Variants in OOSP3 observed in about 807,000 individuals in gnomAD.
OOSP3 encodes the protein oocyte-secreted protein 3.
At chr11:59,894,657 T>C (rs1853340412) in intron 3 of OOSP3, among the ~76,000 whole-genome samples, 1 of 152,218 alleles carries the variant, frequency 6.6e-6, no homozygotes, top group South Asian at 2.1e-4. Flanking sequence ...CATTCCCTTA[T>C]TGGGAACACT....
intron 2 of OOSP3, among the ~76,000 whole-genome samples, chr11:59,884,008 G>T (rs1406259750): frequency 6.6e-6 from 1 of 152,176 alleles, no homozygotes; most frequent in Non-Finnish European, 1.5e-5. Context: ...GAAAACCAAG[G>T]TTAAGGATTC....
At chr11:59,888,964 T>C (rs1853286011) in intron 2 of OOSP3, among the ~76,000 whole-genome samples, 1 of 152,218 alleles carries the variant, frequency 6.6e-6, no homozygotes, top group Admixed American at 6.5e-5. Context: ...GGCTATTTGT[T>C]ACTGCCTCAA....
intron 2 of OOSP3, among the ~76,000 whole-genome samples, chr11:59,890,586 A>G (rs1461107393): frequency 4.6e-5 from 7 of 152,192 alleles, no homozygotes. Flanking sequence ...CTTGTCTTTA[A>G]AAATGTTGAA....
exon 4 of OOSP3, chr11:59,895,627 G>A (rs769421700): frequency 1.5e-4 from 61 of 398,264 alleles, no homozygotes; most frequent in Middle Eastern, 1.3e-3. Context: ...GGATTGACTC[G>A]GATTCCATAT....
rs1240304463 is a variant in OOSP3, at chr11:59,893,780, GA to G, written c.253-290del. On this transcript the variant is annotated intron_variant, in intron 2 of 4. Transcript: ENST00000646438. Reference sequence around the variant, plus strand: ...GATAATGTTTAAGAGCTAAATATGAGAAAAAAAAACTTGTTAAGTAGAAGCT... The same window carrying G: ...GATAATGTTTAAGAGCTAAATATGAGAAAAAAAACTTGTTAAGTAGAAGCT... Among the ~76,000 whole-genome samples, 7 of 151,568 alleles carry G rather than the reference GA, an allele frequency of 4.6e-5. No homozygotes were observed. The South Asian group carries it at 1.0e-3, about 23-fold the overall frequency.
intron 3 of OOSP3, among the ~76,000 whole-genome samples, chr11:59,894,435 A>C (rs1409493435): frequency 1.3e-4 from 20 of 152,158 alleles, no homozygotes; most frequent in Admixed American, 1.2e-3. Context: ...AGTGATACCA[A>C]CTGGGCTTGG....
intron 2 of OOSP3, among the ~76,000 whole-genome samples, chr11:59,886,103 T>C (rs1192731983): frequency 6.6e-6 from 1 of 152,184 alleles, no homozygotes; most frequent in Non-Finnish European, 1.5e-5. Flanking sequence ...GTCCATGTGT[T>C]TTCATTATTC....
intron 2 of OOSP3, among the ~76,000 whole-genome samples, chr11:59,892,729 A>T (rs1254614102): frequency 6.6e-6 from 1 of 152,158 alleles, no homozygotes; most frequent in East Asian, 1.9e-4. Flanking sequence ...TTCTCTGAAG[A>T]TGGGGCTTTT....
chr11:59,888,943 T>G (rs756697855), intron 2 of OOSP3, among the ~76,000 whole-genome samples: 13 of 152,162 alleles, frequency 8.5e-5, no homozygotes, highest in Non-Finnish European at 1.6e-4. Flanking sequence ...TCTTTGTTTG[T>G]TTGGTTGGTA....
At chr11:59,887,813 G>T (rs1282340090) in intron 2 of OOSP3, among the ~76,000 whole-genome samples, 1 of 151,386 alleles carries the variant, frequency 6.6e-6, no homozygotes, top group Non-Finnish European at 1.5e-5. Flanking sequence ...TTTTAAAATA[G>T]TTTTTTTTTC....
intron 2 of OOSP3, among the ~76,000 whole-genome samples, chr11:59,885,360 A>T (rs1292352590): frequency 6.6e-6 from 1 of 152,162 alleles, no homozygotes; most frequent in African/African-American, 2.4e-5. Flanking sequence ...TCAGTGGTAC[A>T]TGTGCAGGAT....
At chr11:59,890,564 G>A (rs943229717) in intron 2 of OOSP3, among the ~76,000 whole-genome samples, 1 of 152,090 alleles carries the variant, frequency 6.6e-6, no homozygotes, top group Non-Finnish European at 1.5e-5. Context: ...ATGAAATTCT[G>A]GGATGGAAAT....
exon 4 of OOSP3, chr11:59,895,578 T>A (rs1433538337): frequency 2.5e-6 from 1 of 398,442 alleles, no homozygotes; most frequent in Non-Finnish European, 4.4e-6. Context: ...CGCTACCAAT[T>A]CTTATTCTCC....
chr11:59,891,492 CTGTT>C (rs1426878230), intron 2 of OOSP3, among the ~76,000 whole-genome samples: 1 of 152,008 alleles, frequency 6.6e-6, no homozygotes, highest in Non-Finnish European at 1.5e-5. Context: ...TTGTTGCTTT[CTGTT>C]TGTTTTTCTT....
rs1853176983 is a variant in OOSP3, at chr11:59,878,909, T to G, written c.73+28T>G. On this transcript the variant is annotated intron_variant, in intron 1 of 4. Transcript: ENST00000646438. ...ACAAGTGACCTTTATATTTTGTTGT[T>G]TGAAGTCATAGTTTCTTAGCGGTTG... is the stretch of plus-strand genomic sequence containing the variant. The G allele has an allele frequency of 7.5e-6, 3 of 398,440 alleles. No homozygotes were observed. In the East Asian group the frequency reaches 1.1e-4, roughly 14 times the overall value. The allele number at this position is 398,440 out of a possible 1,614,324, so 24.7% of individuals were successfully genotyped here.
chr11:59,884,941 GT>G (rs1853239095), intron 2 of OOSP3, among the ~76,000 whole-genome samples: 4 of 152,138 alleles, frequency 2.6e-5, no homozygotes, highest in Non-Finnish European at 5.9e-5. Flanking sequence ...GAACATCTTT[GT>G]ATTATTTCTG....
At chr11:59,891,975 A>G (rs925826046) in intron 2 of OOSP3, among the ~76,000 whole-genome samples, 2 of 152,210 alleles carry the variant, frequency 1.3e-5, no homozygotes, top group African/African-American at 2.4e-5. Context: ...GAGCAAGGCT[A>G]CTTGGCTCCC....
At chr11:59,888,424 T>G (rs1853281893) in intron 2 of OOSP3, among the ~76,000 whole-genome samples, 1 of 152,226 alleles carries the variant, frequency 6.6e-6, no homozygotes, top group Non-Finnish European at 1.5e-5. Flanking sequence ...GTTCTGATAT[T>G]GGCTGTGGGT....
chr11:59,880,131 T>C, intron 1 of OOSP3, 130 bp from the exon 2 acceptor site: 1 of 395,376 alleles, frequency 2.5e-6, no homozygotes, highest in Non-Finnish European at 4.5e-6. Flanking sequence ...AGTGATCATA[T>C]TGTATCTCTC....
Sources: gnomAD v4.1 joint callset for allele counts (sites outside exome capture counted in the v4.1 genomes callset) on GRCh38, gnomAD v4.1.1 for gene constraint, MANE v1.5 for transcripts, NCBI Gene and HGNC (gene_info 2026-07-23, HGNC 2026-07-21) for gene names.